Variants in PHACTR2 observed in about 807,000 individuals in gnomAD.
PHACTR2 encodes the protein phosphatase and actin regulator 2.
In PHACTR2, 30 loss-of-function variants were observed where a neutral mutation model predicts 76.0. The observed-to-expected ratio is 0.39, with a 90% CI of 0.30 to 0.54. The LOEUF is 0.54. Among genes scored for constraint, PHACTR2 ranks in the 20% least tolerant of loss-of-function variants. PHACTR2 has a pLI of 0.61. For synonymous variants in PHACTR2, 292 were observed against 292.5 expected, an observed-to-expected ratio of 1.00 and a Z score of 0.02; for missense variants, 696 against 781.1, an observed-to-expected ratio of 0.89 and a Z score of 1.30.
rs754605706 is a variant in PHACTR2 at position 143,765,662 on chromosome 6, G to A, written c.1096G>A (p.Val366Ile). ...CATTACTGCCTCAGACACTCCAGTT[G>A]TCCTCGTCAGCGTTGGAGCTGACCT... ...QCITASDTPV[V>I]LVSVGADLPV... The change falls in exon 6 of 13, where the codon GTC (valine) becomes ATC (isoleucine). Residue 366 changes from valine to isoleucine, a missense_variant. Transcript: ENST00000440869. This position sits in a 1 kb window ranked among gnomAD's most constrained non-coding sequence, Gnocchi z 4.1. The A allele has an allele frequency of 1.2e-6, 2 of 1,614,108 alleles. No homozygotes were observed. The highest frequency in any genetic ancestry group is 1.7e-6 in the Non-Finnish European group (2 of 1,180,032).
At chr6:143,690,795 G>C (rs1443037409) in intron 1 of PHACTR2, among the ~76,000 whole-genome samples, 1 of 152,156 alleles carries the variant, frequency 6.6e-6, no homozygotes. Context: ...GTGGTACATA[G>C]ACTAATTTAA....
chr6:143,570,198 A>G lies in PHACTR2; in HGVS notation c.217+32991A>G, dbSNP rs1191700185. ...ATTCGTGGCATCATAACATTTAAGA[A>G]TTTAAAATGTGTGCATGACATTTTT... is the stretch of plus-strand genomic sequence containing the variant. On this transcript the variant is annotated intron_variant, in intron 1 of 11. Coordinates refer to the PHACTR2 transcript ENST00000367584. This position sits in a 1 kb window ranked among gnomAD's most constrained non-coding sequence, Gnocchi z 4.6. 3.2e-5 allele frequency among the ~76,000 whole-genome samples: 3 copies of G among 92,892 alleles called. No homozygotes were observed. Among genetic ancestry groups the G allele is most frequent in the Admixed American group, 9.3e-5 (1 of 10,754 alleles). 60.9% of individuals were successfully genotyped at this position (92,892 alleles called of 152,430 possible). A position where few individuals can be genotyped will look rare whatever the true frequency, so the allele number is the denominator to read the frequency against.
At chr6:143,538,220 A>G (rs1781137303) in intron 1 of PHACTR2, among the ~76,000 whole-genome samples, 1 of 152,240 alleles carries the variant, frequency 6.6e-6, no homozygotes, top group Non-Finnish European at 1.5e-5. Flanking sequence ...TCAGGAACTC[A>G]GCTAAGGCCG....
intron 6 of PHACTR2, among the ~76,000 whole-genome samples, chr6:143,771,919 C>T (rs1327928170): frequency 6.6e-6 from 1 of 151,926 alleles, no homozygotes; most frequent in African/African-American, 2.4e-5. Context: ...ATGGGACAGA[C>T]GTGGGGGCAA....
chr6:143,602,076 A>G lies in PHACTR2; in HGVS notation c.217+64869A>G, dbSNP rs188349235. Among the ~76,000 whole-genome samples the G allele has an allele frequency of 2.4e-3, 364 of 152,314 alleles. No individual in the cohort carries two copies. The highest frequency in any genetic ancestry group is 3.1e-3 in the Admixed American group (48 of 15,296). On this transcript the variant is annotated intron_variant, in intron 1 of 11. Coordinates refer to the PHACTR2 transcript ENST00000367584. This position sits in a 1 kb window ranked among gnomAD's most constrained non-coding sequence, Gnocchi z 6.1. ...TCTTTTAGTTATTTTGAAATATAAAATACGATTGTTAACTATAGTCACCTC... is the reference window on the plus strand; with the variant it reads ...TCTTTTAGTTATTTTGAAATATAAAGTACGATTGTTAACTATAGTCACCTC...
At chr6:143,735,319 T>C (rs73581804) in intron 2 of PHACTR2, among the ~76,000 whole-genome samples, 10,453 of 152,282 alleles carry the variant, frequency 0.069, 1,207 homozygotes, top group African/African-American at 0.24. Context: ...GAAGACTAGA[T>C]ATTAGAAAAT....
At chr6:143,565,352 C>T (rs919721558) in intron 1 of PHACTR2, among the ~76,000 whole-genome samples, 1 of 152,184 alleles carries the variant, frequency 6.6e-6, no homozygotes, top group Non-Finnish European at 1.5e-5. Context: ...GGCGCGGTGG[C>T]TCACGCCTGT....
At position 143,829,188 on chromosome 6, in the gene PHACTR2, CTTTTTTTTTTTT is replaced by C. The variant is rs748075314; in HGVS notation, c.*5510_*5521del. 1.4e-5 allele frequency: 1 copy of C among 71,706 alleles called. No homozygotes were observed. Among genetic ancestry groups the C allele is most frequent in the Non-Finnish European group, 2.7e-5 (1 of 37,234 alleles). The allele number at this position is 71,706 out of a possible 1,614,324, so 4.4% of individuals were successfully genotyped here. On this transcript the variant is annotated 3_prime_UTR_variant, in exon 13 of 13. Transcript: ENST00000440869. ...AAGGAGAGATCATACATGAAGAAAG[CTTTTTTTTTTTT>C]TTTTTTTTTTGCCTTACAACTTTTC...
Position 143,558,632 on chromosome 6 carries a change from T to C in PHACTR2, c.217+21425T>C, listed in dbSNP as rs1775216053. Among the ~76,000 whole-genome samples, 1 of 152,200 alleles carries C rather than the reference T, an allele frequency of 6.6e-6. No individual in the cohort carries two copies. On this transcript the variant is annotated intron_variant, in intron 1 of 11. Coordinates refer to the PHACTR2 transcript ENST00000367584. This position sits in a 1 kb window ranked among gnomAD's most constrained non-coding sequence, Gnocchi z 4.7. ...TTTGTCATTTTCTTTAGTAATATTC[T>C]GGGTAGAGAAAGGTAAGGAGTGTGT... is the stretch of plus-strand genomic sequence containing the variant.
intron 2 of PHACTR2, among the ~76,000 whole-genome samples, chr6:143,736,658 C>A (rs1324180345): frequency 6.8e-6 from 1 of 147,038 alleles, no homozygotes; most frequent in Non-Finnish European, 1.5e-5. Flanking sequence ...CACTGCAAGC[C>A]CCGCCTCCCA....
rs1776706809 is a variant in PHACTR2, at chr6:143,648,908, C to T, written c.13+40586C>T. On this transcript the variant is annotated intron_variant, in intron 1 of 11. Coordinates refer to the PHACTR2 transcript ENST00000305766. This position sits in a 1 kb window ranked among gnomAD's most constrained non-coding sequence, Gnocchi z 6.7. ...TGTATGTTTGTGTGTGTGTGTGTGTCTGTCTGGGTCTATGTGTATGTCTAT... is the reference window on the plus strand; with the variant it reads ...TGTATGTTTGTGTGTGTGTGTGTGTTTGTCTGGGTCTATGTGTATGTCTAT... 1.4e-5 allele frequency among the ~76,000 whole-genome samples: 2 copies of T among 143,320 alleles called. No individual in the cohort carries two copies. Among genetic ancestry groups the T allele is most frequent in the South Asian group, 4.6e-4 (2 of 4,386 alleles). The allele number at this position is 143,320 out of a possible 152,430, so 94.0% of individuals were successfully genotyped here. A position where few individuals can be genotyped will look rare whatever the true frequency, so the allele number is the denominator to read the frequency against.
rs1777342471 is a variant in PHACTR2, at chr6:143,679,755, G to A, written c.46+1546G>A. On this transcript the variant is annotated intron_variant, in intron 1 of 12. Coordinates refer to ENST00000440869, the MANE Select transcript of PHACTR2 (RefSeq NM_001100164.2). The surrounding 1 kb of genome is among the most constrained non-coding windows in gnomAD (Gnocchi z 4.6). Reference sequence around the variant, plus strand: ...AAAATCCTAAAGTGAGACTCCCTACGTCTTAGTACAGCAAAAAAACCCGGA... The same window carrying A: ...AAAATCCTAAAGTGAGACTCCCTACATCTTAGTACAGCAAAAAAACCCGGA... Among the ~76,000 whole-genome samples, 1 of 144,730 alleles carries A rather than the reference G, an allele frequency of 6.9e-6. No homozygotes were observed. Among genetic ancestry groups the A allele is most frequent in the African/African-American group, 2.5e-5 (1 of 39,442 alleles). 94.9% of individuals were successfully genotyped at this position (144,730 alleles called of 152,430 possible).
rs1311060492 is a variant in PHACTR2 at position 143,751,724 on chromosome 6, C to T, written c.296-2030C>T. On this transcript the variant is annotated intron_variant, in intron 3 of 12. Transcript: ENST00000440869. The surrounding 1 kb of genome is among the most constrained non-coding windows in gnomAD (Gnocchi z 5.7). The stretch of plus-strand genomic sequence containing the variant: ...TCTCGTGAGATGTGTTGACTTGGGC[C>T]GCTTATTGTCACCTGCCATCCAGCT... Among the ~76,000 whole-genome samples, 8 of 151,256 alleles carry T rather than the reference C, an allele frequency of 5.3e-5. No homozygotes were observed. The highest frequency in any genetic ancestry group is 3.4e-3 in the Middle Eastern group (1 of 294).
chr6:143,669,410 C>T (rs1296269203), intron 1 of PHACTR2, among the ~76,000 whole-genome samples: 1 of 152,148 alleles, frequency 6.6e-6, no homozygotes, highest in Non-Finnish European at 1.5e-5. Flanking sequence ...GAGCTGAGTT[C>T]AAGTCCTGAA....
intron 12 of PHACTR2, among the ~76,000 whole-genome samples, chr6:143,815,100 T>A (rs926699110): frequency 2.0e-5 from 3 of 152,168 alleles, no homozygotes; most frequent in African/African-American, 7.2e-5. Flanking sequence ...GAAAGGCTGC[T>A]TTTGTAGTGG....
chr6:143,641,911 T>TC lies in PHACTR2; in HGVS notation c.13+33590dup, dbSNP rs1324297894. Among the ~76,000 whole-genome samples the TC allele has an allele frequency of 6.6e-6, 1 of 152,236 alleles. No homozygotes were observed. The highest frequency in any genetic ancestry group is 1.5e-5 in the Non-Finnish European group (1 of 68,044). The stretch of plus-strand genomic sequence containing the variant: ...GAAATGGAGTTCTATATACATTTTT[T>TC]CTCTTGTGACACTAAAGAATGCCTA... On this transcript the variant is annotated intron_variant, in intron 1 of 11. Transcript: ENST00000305766. This position sits in a 1 kb window ranked among gnomAD's most constrained non-coding sequence, Gnocchi z 5.8.
At chr6:143,785,028 T>G (rs1373155717) in intron 10 of PHACTR2, among the ~76,000 whole-genome samples, 1 of 152,154 alleles carries the variant, frequency 6.6e-6, no homozygotes, top group African/African-American at 2.4e-5. Context: ...TCTCATGTCC[T>G]CACATTTCAA....
At chr6:143,577,507 C>T (rs545711162) in intron 1 of PHACTR2, among the ~76,000 whole-genome samples, 11 of 152,080 alleles carry the variant, frequency 7.2e-5, no homozygotes, top group Non-Finnish European at 1.6e-4. Flanking sequence ...GAAAAAAACT[C>T]CAACCAGGAG....
chr6:143,693,427 G>T (rs558990150), intron 1 of PHACTR2, among the ~76,000 whole-genome samples: 1 of 152,164 alleles, frequency 6.6e-6, no homozygotes, highest in South Asian at 2.1e-4. Flanking sequence ...TAGTAGAGAC[G>T]GGGTTTCGCC....
Sources: gnomAD v4.1 joint callset for allele counts (sites outside exome capture counted in the v4.1 genomes callset) on GRCh38, gnomAD v4.1.1 for gene constraint, Gnocchi (gnomAD v3.1) non-coding constraint, MANE v1.5 for transcripts, NCBI Gene and HGNC (gene_info 2026-07-23, HGNC 2026-07-21) for gene names.